PARP12: variants seen among roughly 807,000 people sequenced by gnomAD.
PARP12 encodes poly(ADP-ribose) polymerase family member 12.
Under a neutral mutation model 72.4 loss-of-function variants are expected in PARP12, and 59 were observed. The ratio of observed to expected loss-of-function variants is 0.81; its 90% CI spans 0.66 to 1.01. The LOEUF (loss-of-function observed/expected upper bound fraction) is 1.01. Among genes scored for constraint, PARP12 ranks in the 50% least tolerant of loss-of-function variants. PARP12 has a pLI of 0.00. For missense variants in PARP12, 851 were observed against 914.0 expected (o/e 0.93, Z 0.89); for synonymous variants, 403 against 371.4 (o/e 1.09, Z -0.98).
At chr7:140,053,729 C>A (rs1167940302) in intron 4 of PARP12, among the ~76,000 whole-genome samples, 2 of 152,016 alleles carry the variant, frequency 1.3e-5, no homozygotes, top group Non-Finnish European at 2.9e-5. Context: ...CTCAATGGAA[C>A]ATCATTATAA....
chr7:140,057,238 A>G, intron 2 of PARP12, 85 bp from the exon 3 acceptor site: 1 of 1,280,640 alleles, frequency 7.8e-7, no homozygotes, highest in East Asian at 2.3e-5. Context: ...CTGGTGAGAA[A>G]GGGGCTTCAC....
chr7:140,029,717 A>G (rs1815866974), intron 8 of PARP12, among the ~76,000 whole-genome samples: 1 of 152,266 alleles, frequency 6.6e-6, no homozygotes, highest in Non-Finnish European at 1.5e-5. Context: ...GATCTAAAAA[A>G]GAACCAAATA....
chr7:140,032,899 T>C (rs925705964), intron 8 of PARP12, among the ~76,000 whole-genome samples: 2 of 152,134 alleles, frequency 1.3e-5, no homozygotes, highest in African/African-American at 4.8e-5. Context: ...CCATTTTATA[T>C]AGGTTTGACT....
At position 140,024,668 on chromosome 7, in the gene PARP12, T is replaced by C; in HGVS notation, c.1998A>G (p.Lys666=). ...TGACATACTCTGGGTAGACCTGGTG[T>C]TTCTCAAAGATCACAAAGATGGAGG... ...SDPSIFVIFE[K]HQVYPEYVIQ... is the part of the protein sequence containing the mutation. The change falls in exon 12 of 12, where the codon AAA becomes AAG. Residue 666 remains lysine (K), a synonymous_variant. Coordinates refer to ENST00000263549, the MANE Select transcript of PARP12 (RefSeq NM_022750.4). 1 of 1,614,012 alleles carries C rather than the reference T, an allele frequency of 6.2e-7. No individual in the cohort carries two copies. Among genetic ancestry groups the C allele is most frequent in the Non-Finnish European group, 8.5e-7 (1 of 1,179,972 alleles).
rs1414911063 is a variant in PARP12, at chr7:140,026,346, T to C, written c.1631A>G (p.Gln544Arg). 3.1e-6 allele frequency: 5 copies of C among 1,608,908 alleles called. No individual in the cohort carries two copies. Among genetic ancestry groups the C allele is most frequent in the Non-Finnish European group, 3.4e-6 (4 of 1,179,006 alleles). The change falls in exon 11 of 12, where the codon CAA becomes CGA. Residue 544 changes from glutamine to arginine, a missense_variant and splice_region_variant. Physicochemically the swap from Gln to Arg is conservative, Grantham distance 43. This residue lies in a region of PARP12 where 347 missense variants were observed against 396.1 expected (regional missense o/e 0.88). Coordinates refer to ENST00000263549, the MANE Select transcript of PARP12 (RefSeq NM_022750.4). ...GTTCTGCTTCTGCATCTGTCCTTTT[T>C]GCCTAGAATCACAGAAGAATGTGTG... Reference protein sequence around the residue: ...NLALWEVYQWQKGQMQKQNGG... With the variant: ...NLALWEVYQWRKGQMQKQNGG...
In PARP12 at chr7:140,027,285, A is replaced by G; in HGVS notation, c.1619T>C (p.Val540Ala). Reference sequence around the variant, plus strand: ...GCGAGCCCCAACGCACCACTGGTAGACTTCCCAGAGGGCCAGGTTCTGTAC... The same window carrying G: ...GCGAGCCCCAACGCACCACTGGTAGGCTTCCCAGAGGGCCAGGTTCTGTAC... ...ERVQNLALWE[V>A]YQWQKGQMQK... is the part of the protein sequence containing the mutation. The change falls in exon 10 of 12, where the codon GTC becomes GCC. Residue 540 changes from valine to alanine, a missense_variant. Val to Ala is a moderately conservative substitution (Grantham distance 64). Coordinates refer to ENST00000263549, the MANE Select transcript of PARP12 (RefSeq NM_022750.4). The G allele has an allele frequency of 6.2e-7, 1 of 1,613,642 alleles. No individual in the cohort carries two copies. Among genetic ancestry groups the G allele is most frequent in the Non-Finnish European group, 8.5e-7 (1 of 1,179,746 alleles).
Sources: gnomAD v4.1 joint callset for allele counts (sites outside exome capture counted in the v4.1 genomes callset) on GRCh38, gnomAD v4.1.1 for gene constraint, gnomAD v4.1.1 regional missense constraint, MANE v1.5 for transcripts, NCBI Gene and HGNC (gene_info 2026-07-23, HGNC 2026-07-21) for gene names.